The following DNAJA2 variants were observed in gnomAD, a reference collection of about 807,000 sequenced individuals.
DNAJA2 encodes the protein DnaJ heat shock protein family (Hsp40) member A2.
In DNAJA2, 6 loss-of-function variants were observed where a neutral mutation model predicts 49.3. The observed-to-expected ratio is 0.12, with a 90% CI of 0.07 to 0.24. The LOEUF is 0.24. DNAJA2 is among the 10% of genes least tolerant of loss of function. The pLI, the probability that DNAJA2 is intolerant of heterozygous loss-of-function variation, is 1.00. For synonymous variants in DNAJA2, 160 were observed against 172.7 expected (o/e 0.93, Z 0.58); for missense variants, 347 against 516.8 (o/e 0.67, Z 3.19).
chr16:46,973,573 G>A lies in DNAJA2; in HGVS notation c.-1C>T. The A allele has an allele frequency of 6.3e-7, 1 of 1,594,122 alleles. No individual in the cohort carries two copies. Among genetic ancestry groups the A allele is most frequent in the Non-Finnish European group, 8.5e-7 (1 of 1,175,120 alleles). On this transcript the variant is annotated 5_prime_UTR_variant, in exon 1 of 9. Coordinates refer to ENST00000317089, the MANE Select transcript of DNAJA2 (RefSeq NM_005880.4). ...GCTTCGTGTCAGCCACGTTAGCCAT[G>A]GCGGCCGGCCGGGCAGTGCTCGGGG...
intron 5 of DNAJA2, among the ~76,000 whole-genome samples, chr16:46,966,201 A>T (rs537055083): frequency 5.5e-4 from 84 of 152,214 alleles, no homozygotes; most frequent in Non-Finnish European, 1.0e-3. Flanking sequence ...ACTGCACTCC[A>T]GCCCAGGCGA....
At position 46,956,148 on chromosome 16, in the gene DNAJA2, T is replaced by C. The variant is rs1479243555; in HGVS notation, c.*881A>G. Reference sequence around the variant, plus strand: ...GGGTGGTGGTAGGGAGATACAGAAGTCAGGCTAGCCCAGTGCTTGGGAGTT... The same window carrying C: ...GGGTGGTGGTAGGGAGATACAGAAGCCAGGCTAGCCCAGTGCTTGGGAGTT... On this transcript the variant is annotated 3_prime_UTR_variant, in exon 9 of 9. Coordinates refer to ENST00000317089, the MANE Select transcript of DNAJA2 (RefSeq NM_005880.4). 2 of 152,012 alleles carry C rather than the reference T, an allele frequency of 1.3e-5. No homozygotes were observed. The highest frequency in any genetic ancestry group is 2.9e-5 in the Non-Finnish European group (2 of 68,008). 9.4% of individuals were successfully genotyped at this position (152,012 alleles called of 1,614,324 possible). A position where few individuals can be genotyped will look rare whatever the true frequency, so the allele number is the denominator to read the frequency against.
intron 3 of DNAJA2, among the ~76,000 whole-genome samples, chr16:46,969,243 A>G (rs1004602124): frequency 3.3e-5 from 5 of 152,216 alleles, no homozygotes; most frequent in Non-Finnish European, 4.4e-5. Flanking sequence ...AACTTTCTTA[A>G]AATTGTTATT....
chr16:46,968,914 T>C (rs1287743550), intron 3 of DNAJA2, among the ~76,000 whole-genome samples: 1 of 151,844 alleles, frequency 6.6e-6, no homozygotes, highest in Non-Finnish European at 1.5e-5. Context: ...CCAGGTGTAG[T>C]GGCATGTCTG....
chr16:46,956,271 T>C lies in DNAJA2; in HGVS notation c.*758A>G, dbSNP rs1162856788. The C allele has an allele frequency of 6.6e-6, 1 of 152,196 alleles. No individual in the cohort carries two copies. The highest frequency in any genetic ancestry group is 1.5e-5 in the Non-Finnish European group (1 of 68,058). 9.4% of individuals were successfully genotyped at this position (152,196 alleles called of 1,614,324 possible). ...GTCTTCCAAGACTATAAGATGGGCA[T>C]AGGCCTGAGATATAAGCTTCAGGCC... is the stretch of plus-strand genomic sequence containing the variant. On this transcript the variant is annotated 3_prime_UTR_variant, in exon 9 of 9. Coordinates refer to ENST00000317089, the MANE Select transcript of DNAJA2 (RefSeq NM_005880.4).
chr16:46,965,978 C>G (rs1057280391), intron 5 of DNAJA2, among the ~76,000 whole-genome samples: 2 of 152,014 alleles, frequency 1.3e-5, no homozygotes, highest in African/African-American at 4.8e-5. Flanking sequence ...AATCCCAGCC[C>G]TTTGGGAGGC....
In DNAJA2 at chr16:46,973,659, G is replaced by A; in HGVS notation, c.-87C>T. Reference sequence around the variant, plus strand: ...CACAAGCGGCGTCGGCGGCGGCACAGGCCGAGGGAGACAGCGAGGGGGAAG... The same window carrying A: ...CACAAGCGGCGTCGGCGGCGGCACAAGCCGAGGGAGACAGCGAGGGGGAAG... On this transcript the variant is annotated 5_prime_UTR_variant, in exon 1 of 9. Transcript: ENST00000317089. 1.4e-6 allele frequency: 2 copies of A among 1,394,714 alleles called. No individual in the cohort carries two copies. Among genetic ancestry groups the A allele is most frequent in the South Asian group, 1.2e-5 (1 of 82,182 alleles). The allele number at this position is 1,394,714 out of a possible 1,614,324, so 86.4% of individuals were successfully genotyped here.
At chr16:46,964,505 G>T in intron 6 of DNAJA2, 106 bp downstream of exon 6, 1 of 1,070,508 alleles carries the variant, frequency 9.3e-7, no homozygotes, top group Non-Finnish European at 1.3e-6. Context: ...CTTCACCAGT[G>T]TTCAGTGTTG....
At chr16:46,957,270 T>C (rs184637288) in intron 8 of DNAJA2, 50 bp from the exon 9 acceptor site, 1 of 1,488,842 alleles carries the variant, frequency 6.7e-7, no homozygotes, top group African/African-American at 1.4e-5. Flanking sequence ...TTTCATCAAC[T>C]TTCCTTTTGA....
chr16:46,973,254 G>A (rs1962082999), intron 1 of DNAJA2, among the ~76,000 whole-genome samples: 1 of 151,972 alleles, frequency 6.6e-6, no homozygotes, highest in Admixed American at 6.6e-5. Context: ...TGTTTGCGCA[G>A]GAGTGAGTTT....
chr16:46,971,234 T>G, intron 3 of DNAJA2, 115 bp downstream of exon 3: 1 of 793,292 alleles, frequency 1.3e-6, no homozygotes, highest in Non-Finnish European at 1.9e-6. Flanking sequence ...ACAAGGCAAA[T>G]GGAAGTTTTT....
In DNAJA2 at chr16:46,971,767, C is replaced by T. The variant is rs1201542551; in HGVS notation, c.138+129G>A. ...ACTCTTATTCTAAAACTAAAATACT[C>T]TTGACATTATGAAAATGTGGCTGTG... On this transcript the variant is annotated intron_variant, in intron 2 of 8. Coordinates refer to ENST00000317089, the MANE Select transcript of DNAJA2 (RefSeq NM_005880.4). 11 of 962,370 alleles carry T rather than the reference C, an allele frequency of 1.1e-5. No homozygotes were observed. In the East Asian group the frequency reaches 2.7e-4, roughly 24 times the overall value. 59.6% of individuals were successfully genotyped at this position (962,370 alleles called of 1,614,324 possible).
chr16:46,961,364 A>T (rs1466678750), intron 6 of DNAJA2, among the ~76,000 whole-genome samples: 1 of 151,966 alleles, frequency 6.6e-6, no homozygotes, highest in Non-Finnish European at 1.5e-5. Context: ...TGGGTGACAG[A>T]GTGAGACCCC....
In DNAJA2 at chr16:46,956,850, G is replaced by A; in HGVS notation, c.*179C>T. The A allele has an allele frequency of 1.5e-6, 1 of 672,298 alleles. No homozygotes were observed. Among genetic ancestry groups the A allele is most frequent in the Non-Finnish European group, 2.6e-6 (1 of 389,336 alleles). The allele number at this position is 672,298 out of a possible 1,614,324, so 41.6% of individuals were successfully genotyped here. A position where few individuals can be genotyped will look rare whatever the true frequency, so the allele number is the denominator to read the frequency against. ...GGAACAGTCAAAATGAAGATGTAAA[G>A]CTTTGTGGTTAGTTTAAATTATACA... On this transcript the variant is annotated 3_prime_UTR_variant, in exon 9 of 9. Coordinates refer to ENST00000317089, the MANE Select transcript of DNAJA2 (RefSeq NM_005880.4).
At chr16:46,972,457 G>A (rs1172812601) in intron 1 of DNAJA2, 2 of 153,788 alleles carry the variant, frequency 1.3e-5, no homozygotes, top group African/African-American at 4.8e-5. Flanking sequence ...GTCTTTTGGT[G>A]TTTTATTTGC....
intron 5 of DNAJA2, among the ~76,000 whole-genome samples, chr16:46,965,035 C>T (rs938376450): frequency 6.6e-6 from 1 of 152,068 alleles, no homozygotes; most frequent in Non-Finnish European, 1.5e-5. Context: ...CCTAGCAACA[C>T]AGTGAGACCT....
In DNAJA2 at chr16:46,961,886, C is replaced by T. The variant is rs1255006175; in HGVS notation, c.775-2467G>A. Among the ~76,000 whole-genome samples, 4 of 151,796 alleles carry T rather than the reference C, an allele frequency of 2.6e-5. No individual in the cohort carries two copies. In the East Asian group the frequency reaches 7.7e-4, roughly 29 times the overall value. On this transcript the variant is annotated intron_variant, in intron 6 of 8. Coordinates refer to ENST00000317089, the MANE Select transcript of DNAJA2 (RefSeq NM_005880.4). ...GTTATAGAGGCGTGACTAACATCAC[C>T]AGGTTCTGTGGTTTGATGCTGTACA... is the stretch of plus-strand genomic sequence containing the variant.
chr16:46,970,608 G>A (rs934305738), intron 3 of DNAJA2, among the ~76,000 whole-genome samples: 1 of 151,710 alleles, frequency 6.6e-6, no homozygotes, highest in East Asian at 1.9e-4. Context: ...TGGTGCGGGT[G>A]CCTGTAATCC....
chr16:46,965,956 G>A (rs1961963604), intron 5 of DNAJA2, among the ~76,000 whole-genome samples: 1 of 152,144 alleles, frequency 6.6e-6, no homozygotes, highest in South Asian at 2.1e-4. Flanking sequence ...AAGAGTGGTG[G>A]CTAACACCTG....
Sources: gnomAD v4.1 joint callset for allele counts (sites outside exome capture counted in the v4.1 genomes callset) on GRCh38, gnomAD v4.1.1 for gene constraint, MANE v1.5 for transcripts, NCBI Gene and HGNC (gene_info 2026-07-23, HGNC 2026-07-21) for gene names.